Variants in TARBP1 observed in about 807,000 individuals in gnomAD.
TARBP1 encodes tRNA (guanosine(18)-2'-O)-methyltransferase TARBP1.
In TARBP1, 144 loss-of-function variants were observed where a neutral mutation model predicts 178.6. That is an observed-to-expected ratio of 0.81 (90% CI 0.70 to 0.93). The LOEUF is 0.93. Among genes scored for constraint, TARBP1 ranks in the 40% least tolerant of loss-of-function variants. TARBP1 has a pLI of 0.00. For synonymous variants in TARBP1, 787 were observed against 781.0 expected (o/e 1.01, Z -0.13); for missense variants, 2,067 against 2,011.7 (o/e 1.03, Z -0.53).
Position 234,391,451 on chromosome 1 carries a change from G to T in TARBP1, c.*126C>A. The T allele has an allele frequency of 2.9e-6, 3 of 1,052,584 alleles. No homozygotes were observed. Among genetic ancestry groups the T allele is most frequent in the Non-Finnish European group, 4.0e-6 (3 of 757,680 alleles). 65.2% of individuals were successfully genotyped at this position (1,052,584 alleles called of 1,614,324 possible). A position where few individuals can be genotyped will look rare whatever the true frequency, so the allele number is the denominator to read the frequency against. On this transcript the variant is annotated 3_prime_UTR_variant, in exon 30 of 30. Coordinates refer to ENST00000040877, the MANE Select transcript of TARBP1 (RefSeq NM_005646.4). ...TGTTTAAGGCACATGGCAAACTTTT[G>T]GCATTAAATTGCAAGAAAAAAGAAA...
intron 3 of TARBP1, among the ~76,000 whole-genome samples, chr1:234,470,382 T>C (rs1668915996): frequency 6.6e-6 from 1 of 152,094 alleles, no homozygotes; most frequent in African/African-American, 2.4e-5. Context: ...ACAGATAAAA[T>C]GATAGGATAT....
chr1:234,418,729 T>G (rs2103089200), intron 21 of TARBP1, among the ~76,000 whole-genome samples: 1 of 152,380 alleles, frequency 6.6e-6, no homozygotes, highest in African/African-American at 2.4e-5. Flanking sequence ...GCCCCACAAC[T>G]ACCGCACTGT....
At position 234,420,774 on chromosome 1, in the gene TARBP1, C is replaced by G; in HGVS notation, c.3483G>C (p.Val1161=). The change falls in exon 21 of 30, where the codon GTG becomes GTC. Residue 1161 remains valine, a synonymous_variant. Coordinates refer to ENST00000040877, the MANE Select transcript of TARBP1 (RefSeq NM_005646.4). The part of the protein sequence containing the change: ...LVSKSKKRYY[V]NSLQHRVKNR... ...TTTTCACTCTGTGCTGTAGAGAATT[C>G]ACATAGTAGCGTTTTTTGGACTTGG... 6.2e-7 allele frequency: 1 copy of G among 1,611,526 alleles called. No homozygotes were observed. Among genetic ancestry groups the G allele is most frequent in the Non-Finnish European group, 8.5e-7 (1 of 1,178,774 alleles).
rs1044845646 is a variant in TARBP1, at chr1:234,391,575, C to T, written c.*2G>A. On this transcript the variant is annotated 3_prime_UTR_variant, in exon 30 of 30. Transcript: ENST00000040877. ...CAGCAGCAGTTCACTAAGGAAGGCA[C>T]ATCATGGCTTGGTATCTCCGTGCGA... is the stretch of plus-strand genomic sequence containing the variant. The T allele has an allele frequency of 1.9e-6, 3 of 1,603,874 alleles. No homozygotes were observed. Among genetic ancestry groups the T allele is most frequent in the Non-Finnish European group, 2.6e-6 (3 of 1,173,704 alleles).
chr1:234,457,149 G>A (rs1667361985), intron 9 of TARBP1, among the ~76,000 whole-genome samples: 1 of 152,172 alleles, frequency 6.6e-6, no homozygotes, highest in Admixed American at 6.5e-5. Context: ...AAGGGAAGAA[G>A]CTTCACATGA....
chr1:234,469,534 A>C (rs1451154921), intron 3 of TARBP1, among the ~76,000 whole-genome samples: 1 of 152,226 alleles, frequency 6.6e-6, no homozygotes, highest in Non-Finnish European at 1.5e-5. Context: ...GAAAAATCCC[A>C]GTGTATCAGA....
chr1:234,418,051 T>C, intron 22 of TARBP1, 33 bp downstream of exon 22: 1 of 1,181,644 alleles, frequency 8.5e-7, no homozygotes, highest in African/African-American at 1.6e-5. Flanking sequence ...CATGTCTTAG[T>C]TTAAAAATAT....
At chr1:234,472,682 T>C in intron 2 of TARBP1, 32 bp downstream of exon 2, 3 of 1,446,682 alleles carry the variant, frequency 2.1e-6, no homozygotes, top group Non-Finnish European at 2.8e-6. Flanking sequence ...TGTTATCTAC[T>C]GTAGGATTTG....
At chr1:234,455,594 G>C (rs1392803673) in intron 9 of TARBP1, among the ~76,000 whole-genome samples, 1 of 152,192 alleles carries the variant, frequency 6.6e-6, no homozygotes, top group African/African-American at 2.4e-5. Context: ...GTAGTAAGCA[G>C]AGTCTATATC....
At position 234,398,551 on chromosome 1, in the gene TARBP1, G is replaced by A; in HGVS notation, c.4074C>T (p.Thr1358=). The change falls in exon 26 of 30, where the codon ACC becomes ACT. Residue 1358 remains threonine (T), a splice_region_variant and synonymous_variant. Transcript: ENST00000040877. The part of the protein sequence containing the change: ...FHPLKDYCLE[T]IFYILPRLSG... ...AAAGGCGTGGAAGGATGTAAAATAT[G>A]GTCTGAAAAGAGAATTATAAAATCT... The A allele has an allele frequency of 3.2e-6, 5 of 1,546,256 alleles. No individual in the cohort carries two copies. Among genetic ancestry groups the A allele is most frequent in the South Asian group, 1.3e-5 (1 of 79,898 alleles).
chr1:234,459,229 C>A lies in TARBP1; in HGVS notation c.1632+1G>T. On this transcript the variant is annotated splice_donor_variant, in intron 8 of 29. Coordinates refer to ENST00000040877, the MANE Select transcript of TARBP1 (RefSeq NM_005646.4). LOFTEE classifies it high-confidence loss of function. ...ATGGAAGTAACAAAAGAAAAACTTACCACATCTAGCAAATTCATAGCTGTT... is the reference window on the plus strand; with the variant it reads ...ATGGAAGTAACAAAAGAAAAACTTAACACATCTAGCAAATTCATAGCTGTT... 3 of 1,605,430 alleles carry A rather than the reference C, an allele frequency of 1.9e-6. No individual in the cohort carries two copies. Among genetic ancestry groups the A allele is most frequent in the South Asian group, 1.1e-5 (1 of 89,106 alleles).
In TARBP1 at chr1:234,433,524, C is replaced by T. The variant is rs778073046; in HGVS notation, c.2280G>A (p.Glu760=). ...CAACCTTCAAATGCAGATTTATAAG[C>T]TCAGTTAACACCATCAGGTATAAAT... ...RCHLYLMVLT[E]LINLHLKVGW... Residue 760 remains glutamate (E), a synonymous_variant, in exon 14 of 30, where the codon GAG becomes GAA. Transcript: ENST00000040877. 1.2e-6 allele frequency: 2 copies of T among 1,614,022 alleles called. No homozygotes were observed. Among genetic ancestry groups the T allele is most frequent in the Non-Finnish European group, 1.7e-6 (2 of 1,180,006 alleles).
chr1:234,405,548 T>A, intron 24 of TARBP1: 1 of 203,330 alleles, frequency 4.9e-6, no homozygotes. Flanking sequence ...AGCTGAGAGA[T>A]TAAAAGTATG....
At chr1:234,472,355 A>AC (rs1558261610) in intron 2 of TARBP1, among the ~76,000 whole-genome samples, 1 of 136,138 alleles carries the variant, frequency 7.3e-6, no homozygotes, top group African/African-American at 2.9e-5. Flanking sequence ...AAAAAAAAAA[A>AC]AACTCAAAAG....
intron 24 of TARBP1, among the ~76,000 whole-genome samples, chr1:234,402,215 C>G (rs2103045482): frequency 1.3e-5 from 2 of 152,322 alleles, no homozygotes; most frequent in Middle Eastern, 6.8e-3. Flanking sequence ...TGGAGTTTCA[C>G]CTTTGGTGGG....
intron 12 of TARBP1, among the ~76,000 whole-genome samples, chr1:234,446,174 T>G (rs79258110): frequency 0.015 from 2,291 of 152,332 alleles, 61 homozygotes; most frequent in African/African-American, 0.051. Flanking sequence ...CAAATGAGAC[T>G]GGTCAGGAAG....
Position 234,468,360 on chromosome 1 carries a change from T to C in TARBP1, c.1100-710A>G, listed in dbSNP as rs564127766. ...TCCCAGCTACTGGTGGGGGAGGGAC[T>C]GAGACACGAGAATCGCTTGAACCCT... On this transcript the variant is annotated intron_variant, in intron 3 of 29. Coordinates refer to ENST00000040877, the MANE Select transcript of TARBP1 (RefSeq NM_005646.4). Among the ~76,000 whole-genome samples the C allele has an allele frequency of 3.3e-5, 5 of 152,100 alleles. No homozygotes were observed. The South Asian group carries it at 1.0e-3, about 32-fold the overall frequency.
intron 3 of TARBP1, among the ~76,000 whole-genome samples, chr1:234,469,357 T>C (rs1571874309): frequency 6.6e-6 from 1 of 152,154 alleles, no homozygotes; most frequent in African/African-American, 2.4e-5. Context: ...TCTTTGGCAA[T>C]GGTAATTTTT....
chr1:234,458,437 T>C (rs1435315506), intron 8 of TARBP1, among the ~76,000 whole-genome samples: 1 of 152,236 alleles, frequency 6.6e-6, no homozygotes, highest in East Asian at 1.9e-4. Flanking sequence ...GTTGTACATC[T>C]TGAAATAAGA....
Sources: gnomAD v4.1 joint callset for allele counts (sites outside exome capture counted in the v4.1 genomes callset) on GRCh38, gnomAD v4.1.1 for gene constraint, MANE v1.5 for transcripts, NCBI Gene and HGNC (gene_info 2026-07-23, HGNC 2026-07-21) for gene names.